MRPS9: variants seen among roughly 807,000 people sequenced by gnomAD.
The protein encoded by MRPS9 is mitochondrial ribosomal protein S9.
MRPS9 carries 45 observed loss-of-function variants against 59.9 expected under a neutral mutation model. The observed-to-expected ratio is 0.75, with a 90% CI of 0.59 to 0.96. MRPS9 has a LOEUF of 0.96. Ranked by LOEUF, MRPS9 falls within the 40% of genes least tolerant of loss-of-function variation. MRPS9 has a pLI of 0.00. For synonymous variants in MRPS9, 171 were observed against 166.8 expected (o/e 1.03, Z -0.19); for missense variants, 473 against 481.1 (o/e 0.98, Z 0.16).
intron 9 of MRPS9, among the ~76,000 whole-genome samples, chr2:105,093,983 G>C (rs146811154): frequency 1.3e-5 from 2 of 152,052 alleles, no homozygotes; most frequent in Non-Finnish European, 2.9e-5. Flanking sequence ...TTTGGGGATG[G>C]GCGTGCACAA....
At chr2:105,078,563 A>ATT (rs1680261789) in intron 4 of MRPS9, among the ~76,000 whole-genome samples, 1 of 152,186 alleles carries the variant, frequency 6.6e-6, no homozygotes, top group Non-Finnish European at 1.5e-5. Flanking sequence ...TGATTTTGGA[A>ATT]AAGTGCTGAA....
At chr2:105,048,511 TAAAAA>T (rs1176938674) in intron 1 of MRPS9, among the ~76,000 whole-genome samples, 2 of 151,338 alleles carry the variant, frequency 1.3e-5, no homozygotes, top group East Asian at 3.9e-4. Context: ...ATAATAATTT[TAAAAA>T]AAAGAAAAAT....
chr2:105,041,972 CCT>C lies in MRPS9; in HGVS notation c.135+3750_135+3751del, dbSNP rs1679510038. Among the ~76,000 whole-genome samples the C allele has an allele frequency of 2.0e-5, 3 of 152,320 alleles. No individual in the cohort carries two copies. In the South Asian group the frequency reaches 6.2e-4, roughly 32 times the overall value. Reference sequence around the variant, plus strand: ...ATAATAAATGCTACTATCATTCTCACCTCTCTTTTCCTTGTAAAACAAGATAA... The same window carrying C: ...ATAATAAATGCTACTATCATTCTCACCTCTTTTCCTTGTAAAACAAGATAA... On this transcript the variant is annotated intron_variant, in intron 1 of 10. Coordinates refer to ENST00000258455, the MANE Select transcript of MRPS9 (RefSeq NM_182640.3).
chr2:105,077,181 GT>G (rs1002503052), intron 4 of MRPS9, among the ~76,000 whole-genome samples: 26 of 148,362 alleles, frequency 1.8e-4, no homozygotes, highest in Non-Finnish European at 3.0e-5. Flanking sequence ...GGAGGTGGAG[GT>G]TGCAGTGAGC....
chr2:105,093,927 CTG>C (rs1209153053), intron 9 of MRPS9, among the ~76,000 whole-genome samples: 1 of 152,166 alleles, frequency 6.6e-6, no homozygotes, highest in Non-Finnish European at 1.5e-5. Flanking sequence ...GAAGTGCAGA[CTG>C]TGCCAAAATG....
Position 105,071,297 on chromosome 2 carries a change from T to C in MRPS9, c.316-16T>C, listed in dbSNP as rs368879143. On this transcript the variant is annotated splice_polypyrimidine_tract_variant and intron_variant, in intron 2 of 10. Coordinates refer to ENST00000258455, the MANE Select transcript of MRPS9 (RefSeq NM_182640.3). ...TTATATAACAGTTGTTAACTAACCT[T>C]TGTGTATATTTTCAGAGAGCTATTG... The C allele has an allele frequency of 6.2e-7, 1 of 1,606,620 alleles. No homozygotes were observed. The highest frequency in any genetic ancestry group is 1.3e-5 in the African/African-American group (1 of 74,788).
At chr2:105,042,803 C>T (rs1278608544) in intron 1 of MRPS9, among the ~76,000 whole-genome samples, 1 of 152,144 alleles carries the variant, frequency 6.6e-6, no homozygotes, top group Non-Finnish European at 1.5e-5. Flanking sequence ...AATAATTGCT[C>T]AGATTTGTTA....
intron 5 of MRPS9, among the ~76,000 whole-genome samples, chr2:105,082,089 G>C (rs921676966): frequency 1.3e-5 from 2 of 152,176 alleles, no homozygotes; most frequent in Non-Finnish European, 2.9e-5. Flanking sequence ...TGTTCTGCCT[G>C]GCCTTGGTGG....
chr2:105,041,717 A>G (rs1277955828), intron 1 of MRPS9, among the ~76,000 whole-genome samples: 1 of 152,178 alleles, frequency 6.6e-6, no homozygotes, highest in African/African-American at 2.4e-5. Context: ...TCTGTAAATT[A>G]GTTATGCCCT....
intron 6 of MRPS9, among the ~76,000 whole-genome samples, 165 bp downstream of exon 6, chr2:105,089,234 A>G (rs1680509413): frequency 6.6e-6 from 1 of 152,182 alleles, no homozygotes; most frequent in Non-Finnish European, 1.5e-5. Flanking sequence ...TTTAGGAGGA[A>G]GCATGAATTG....
chr2:105,069,645 C>G (rs934084784), intron 2 of MRPS9, among the ~76,000 whole-genome samples: 2 of 152,298 alleles, frequency 1.3e-5, no homozygotes, highest in Admixed American at 1.3e-4. Flanking sequence ...GTTTAGCCCT[C>G]TCACTCATTT....
intron 5 of MRPS9, among the ~76,000 whole-genome samples, chr2:105,087,201 G>T (rs1262935390): frequency 6.6e-6 from 1 of 151,602 alleles, no homozygotes; most frequent in Non-Finnish European, 1.5e-5. Flanking sequence ...TTTTGCTTTA[G>T]GGTGGACAGT....
chr2:105,093,711 G>A (rs1483084000), intron 9 of MRPS9, 73 bp downstream of exon 9: 3 of 654,708 alleles, frequency 4.6e-6, no homozygotes, highest in Non-Finnish European at 7.8e-6. Context: ...ATTTAAGAAG[G>A]CTTGTGATCT....
Position 105,089,020 on chromosome 2 carries a change from C to T in MRPS9, c.526C>T (p.Gln176Ter), listed in dbSNP as rs774485716. 1 of 1,611,512 alleles carries T rather than the reference C, an allele frequency of 6.2e-7. No homozygotes were observed. The highest frequency in any genetic ancestry group is 1.1e-5 in the South Asian group (1 of 90,742). The change falls in exon 6 of 11, where the codon CAA (glutamine) becomes TAA (stop). Residue 176 changes from glutamine to a stop codon, truncating the protein, a stop_gained. Transcript: ENST00000258455. LOFTEE classifies it high-confidence loss of function. The stretch of plus-strand genomic sequence containing the variant: ...AATGTTACTCAATTTAGAAAAACAT[C>T]AAAGTCACTTGCAAGCCAAAAGTCT... ...YGMLLNLEKHQSHLQAKSLLP... is the reference protein window; with the variant it reads ...YGMLLNLEKH
intron 4 of MRPS9, 142 bp downstream of exon 4, chr2:105,071,631 C>G: frequency 1.4e-6 from 1 of 717,142 alleles, no homozygotes; most frequent in South Asian, 1.9e-5. Context: ...AATTTTGTAA[C>G]AATGAATGAG....
chr2:105,040,856 T>C (rs375628458), intron 1 of MRPS9, among the ~76,000 whole-genome samples: 54 of 152,324 alleles, frequency 3.5e-4, no homozygotes, highest in African/African-American at 1.2e-3. Context: ...AGGATTGTCA[T>C]GGGCAGCTTC....
intron 1 of MRPS9, among the ~76,000 whole-genome samples, chr2:105,041,512 T>C (rs1679501808): frequency 6.9e-6 from 1 of 144,688 alleles, no homozygotes; most frequent in South Asian, 2.2e-4. Context: ...CATTCCTGTC[T>C]CTGTCTAAAG....
At chr2:105,069,512 C>G (rs1680071924) in intron 2 of MRPS9, among the ~76,000 whole-genome samples, 1 of 152,170 alleles carries the variant, frequency 6.6e-6, no homozygotes, top group South Asian at 2.1e-4. Flanking sequence ...CAGGCCCAGC[C>G]TGTCAATCTT....
At chr2:105,042,155 G>C (rs1045093894) in intron 1 of MRPS9, among the ~76,000 whole-genome samples, 1 of 152,234 alleles carries the variant, frequency 6.6e-6, no homozygotes, top group Non-Finnish European at 1.5e-5. Flanking sequence ...GGCACACTTT[G>C]TTGGGTCCTC....
Sources: allele counts gnomAD v4.1 joint callset (sites outside exome capture counted in the v4.1 genomes callset), GRCh38; gene constraint gnomAD v4.1.1; transcripts MANE v1.5; gene names NCBI Gene and HGNC (gene_info 2026-07-23, HGNC 2026-07-21).